Variants in PAPPA observed in about 807,000 individuals in gnomAD.
PAPPA encodes the protein pappalysin-1.
Under a neutral mutation model 164.0 loss-of-function variants are expected in PAPPA, and 60 were observed. The ratio of observed to expected loss-of-function variants is 0.37; its 90% confidence interval spans 0.30 to 0.45. The LOEUF (loss-of-function observed/expected upper bound fraction) is 0.45. Among genes scored for constraint, PAPPA ranks in the 20% least tolerant of loss-of-function variants. PAPPA has a pLI of 1.00. For missense variants in PAPPA, 1,782 were observed against 2,087.3 expected (o/e 0.85, Z 2.85); for synonymous variants, 875 against 814.1 (o/e 1.07, Z -1.27).
chr9:116,382,434 C>A lies in PAPPA; in HGVS notation c.4717C>A (p.Arg1573=). The A allele has an allele frequency of 6.2e-7, 1 of 1,613,856 alleles. No individual in the cohort carries two copies. Among genetic ancestry groups the A allele is most frequent in the Non-Finnish European group, 8.5e-7 (1 of 1,179,832 alleles). Residue 1573 remains arginine, a synonymous_variant, in exon 21 of 22, where the codon CGA becomes AGA. Coordinates refer to ENST00000328252, the MANE Select transcript of PAPPA (RefSeq NM_002581.5). ...GDNYCDAINN[R]AFCNYDGGDC... ...CAATTATTGTGATGCCATCAACAAC[C>A]GAGCCTTTTGCAACTATGACGGTGG...
intron 9 of PAPPA, among the ~76,000 whole-genome samples, chr9:116,272,249 G>A (rs1235839387): frequency 6.6e-6 from 1 of 152,130 alleles, no homozygotes; most frequent in Non-Finnish European, 1.5e-5. Flanking sequence ...GAAGATCAAA[G>A]GTCCCCCAGC....
At chr9:116,361,383 A>G (rs554240627) in intron 17 of PAPPA, among the ~76,000 whole-genome samples, 1 of 152,272 alleles carries the variant, frequency 6.6e-6, no homozygotes, top group Non-Finnish European at 1.5e-5. Flanking sequence ...TAAAGTCTAA[A>G]CTACTTAAGT....
chr9:116,196,467 T>C lies in PAPPA; in HGVS notation c.1478+8251T>C, dbSNP rs1025336717. 5.3e-5 allele frequency among the ~76,000 whole-genome samples: 8 copies of C among 152,244 alleles called. No individual in the cohort carries two copies. The South Asian group carries it at 6.2e-4, about 12-fold the overall frequency. On this transcript the variant is annotated intron_variant, in intron 2 of 21. Coordinates refer to ENST00000328252, the MANE Select transcript of PAPPA (RefSeq NM_002581.5). ...CCTTCCAGGTTAGGAAACAAAGCCG[T>C]TGGGCGTGCAAGAGATGGTTGAACT...
At chr9:116,393,710 C>A (rs186487083) in intron 21 of PAPPA, among the ~76,000 whole-genome samples, 1 of 152,074 alleles carries the variant, frequency 6.6e-6, no homozygotes. Flanking sequence ...GTGATACTTG[C>A]GAAAAGACCT....
At chr9:116,195,699 G>A (rs969611016) in intron 2 of PAPPA, among the ~76,000 whole-genome samples, 2 of 152,140 alleles carry the variant, frequency 1.3e-5, no homozygotes, top group Non-Finnish European at 2.9e-5. Context: ...GCTGTTGTTT[G>A]GGAATTGCCC....
intron 13 of PAPPA, among the ~76,000 whole-genome samples, chr9:116,339,120 G>C (rs1456585458): frequency 6.6e-6 from 1 of 152,176 alleles, no homozygotes; most frequent in Non-Finnish European, 1.5e-5. Context: ...TTCAAGGCTG[G>C]TGTTCCATAG....
At position 116,399,412 on chromosome 9, in the gene PAPPA, T is replaced by C. The variant is rs1847016388; in HGVS notation, c.*2796T>C. The C allele has an allele frequency of 6.6e-6, 1 of 152,616 alleles. No homozygotes were observed. The highest frequency in any genetic ancestry group is 1.9e-4 in the East Asian group (1 of 5,192). 9.5% of individuals were successfully genotyped at this position (152,616 alleles called of 1,614,324 possible). A position where few individuals can be genotyped will look rare whatever the true frequency, so the allele number is the denominator to read the frequency against. On this transcript the variant is annotated 3_prime_UTR_variant, in exon 22 of 22. Coordinates refer to ENST00000328252, the MANE Select transcript of PAPPA (RefSeq NM_002581.5). ...TTAGTGGAGGAGGGTCAGCTCAATT[T>C]GGGCAATGCATTTGTTCCCAGTTTC...
In PAPPA at chr9:116,382,475, C is replaced by T; in HGVS notation, c.4758C>T (p.Ser1586=). Reference sequence around the variant, plus strand: ...ATGACGGTGGGGATTGCTGCACCTCCACAGTGAAGACCAAAAAGGTAGGCC... The same window carrying T: ...ATGACGGTGGGGATTGCTGCACCTCTACAGTGAAGACCAAAAAGGTAGGCC... ...CNYDGGDCCT[S]TVKTKKVTPF... The change falls in exon 21 of 22, where the codon TCC becomes TCT. Residue 1586 remains serine, a synonymous_variant. Transcript: ENST00000328252. The T allele has an allele frequency of 6.2e-7, 1 of 1,612,654 alleles. No individual in the cohort carries two copies. The highest frequency in any genetic ancestry group is 1.1e-5 in the South Asian group (1 of 91,044).
intron 10 of PAPPA, 22 bp downstream of exon 10, chr9:116,302,972 G>A (rs768565208): frequency 6.2e-7 from 1 of 1,605,324 alleles, no homozygotes; most frequent in Non-Finnish European, 8.5e-7. Flanking sequence ...ACCATGTGTG[G>A]CATTTCCTGC....
At chr9:116,188,535 G>T (rs1266726797) in intron 2 of PAPPA, among the ~76,000 whole-genome samples, 1 of 152,156 alleles carries the variant, frequency 6.6e-6, no homozygotes, top group Non-Finnish European at 1.5e-5. Context: ...ACATAGAGTG[G>T]GTGAGAGTTG....
At chr9:116,363,182 T>C (rs1318958907) in intron 18 of PAPPA, among the ~76,000 whole-genome samples, 1 of 152,190 alleles carries the variant, frequency 6.6e-6, no homozygotes, top group Non-Finnish European at 1.5e-5. Context: ...ATTTGCATCA[T>C]ACTAAACATT....
chr9:116,382,279 C>A, intron 20 of PAPPA, 116 bp from the exon 21 acceptor site: 1 of 704,180 alleles, frequency 1.4e-6, no homozygotes, highest in Non-Finnish European at 2.6e-6. Context: ...GCCTGGCCAG[C>A]TAATCGTGGA....
intron 10 of PAPPA, among the ~76,000 whole-genome samples, chr9:116,315,975 G>A (rs1845783266): frequency 6.6e-6 from 1 of 152,164 alleles, no homozygotes. Context: ...ACCACTGTAT[G>A]AGGTAACTAC....
At chr9:116,361,273 T>C (rs1055475969) in intron 17 of PAPPA, among the ~76,000 whole-genome samples, 3 of 152,228 alleles carry the variant, frequency 2.0e-5, no homozygotes, top group South Asian at 4.1e-4. Flanking sequence ...CATCTTATTA[T>C]AAGCCTGAAA....
At chr9:116,247,374 T>C (rs900101248) in intron 7 of PAPPA, among the ~76,000 whole-genome samples, 4 of 152,216 alleles carry the variant, frequency 2.6e-5, no homozygotes, top group Non-Finnish European at 4.4e-5. Flanking sequence ...ATGCTTTATG[T>C]AGTCTATTCT....
chr9:116,334,226 T>G (rs1310415311), intron 12 of PAPPA, among the ~76,000 whole-genome samples: 1 of 143,598 alleles, frequency 7.0e-6, no homozygotes, highest in East Asian at 2.0e-4. Flanking sequence ...AATGGGAACC[T>G]GCTGGCTGCA....
At chr9:116,237,370 T>A (rs1844681045) in intron 7 of PAPPA, among the ~76,000 whole-genome samples, 1 of 152,230 alleles carries the variant, frequency 6.6e-6, no homozygotes, top group African/African-American at 2.4e-5. Flanking sequence ...CTCACTTGTC[T>A]AGAGTGGTAG....
At chr9:116,217,909 T>C (rs2118699669) in intron 4 of PAPPA, among the ~76,000 whole-genome samples, 1 of 152,346 alleles carries the variant, frequency 6.6e-6, no homozygotes, top group African/African-American at 2.4e-5. Flanking sequence ...TTAGCCATCA[T>C]GCCCTTCTCC....
At chr9:116,291,383 T>C (rs1197563316) in intron 9 of PAPPA, among the ~76,000 whole-genome samples, 1 of 152,190 alleles carries the variant, frequency 6.6e-6, no homozygotes, top group Admixed American at 6.6e-5. Context: ...AATTGGATTT[T>C]CCCCCTAATA....
Sources: gnomAD v4.1 joint callset for allele counts (sites outside exome capture counted in the v4.1 genomes callset) on GRCh38, gnomAD v4.1.1 for gene constraint, MANE v1.5 for transcripts, NCBI Gene and HGNC (gene_info 2026-07-23, HGNC 2026-07-21) for gene names.